MCU: variants seen among roughly 807,000 people sequenced by gnomAD.
MCU encodes mitochondrial calcium uniporter.
In MCU, 12 loss-of-function variants were observed where a neutral mutation model predicts 45.2. The ratio of observed to expected loss-of-function variants is 0.27; its 90% CI spans 0.17 to 0.43. The LOEUF (loss-of-function observed/expected upper bound fraction) is 0.43, where lower values mean the gene tolerates loss of function less well. Ranked by LOEUF, MCU falls within the 20% of genes least tolerant of loss-of-function variation. The pLI, the probability that MCU is intolerant of heterozygous loss-of-function variation, is 1.00. For synonymous variants in MCU, 160 were observed against 165.1 expected, an observed-to-expected ratio of 0.97 and a Z score of 0.24; for missense variants, 324 against 436.7, an observed-to-expected ratio of 0.74 and a Z score of 2.30.
At chr10:72,714,008 C>T (rs930016179) in intron 1 of MCU, among the ~76,000 whole-genome samples, 1 of 148,292 alleles carries the variant, frequency 6.7e-6, no homozygotes, top group African/African-American at 2.6e-5. Flanking sequence ...GCTTTGTCGT[C>T]CAGCCTGGAG....
At chr10:72,751,868 C>T (rs1843504729) in intron 1 of MCU, among the ~76,000 whole-genome samples, 1 of 150,700 alleles carries the variant, frequency 6.6e-6, no homozygotes, top group Non-Finnish European at 1.5e-5. Flanking sequence ...GAGACAGAGT[C>T]TGGCTCTGTC....
intron 1 of MCU, chr10:72,692,517 G>A: frequency 5.9e-6 from 6 of 1,019,900 alleles, no homozygotes; most frequent in Non-Finnish European, 7.2e-6. Context: ...GAGGAGGAGG[G>A]GCGACGGCGG....
At chr10:72,778,871 G>A (rs1165950390) in intron 1 of MCU, among the ~76,000 whole-genome samples, 2 of 152,068 alleles carry the variant, frequency 1.3e-5, no homozygotes, top group African/African-American at 4.8e-5. Context: ...AAATTTCAGT[G>A]GGGAAAAAAA....
intron 1 of MCU, among the ~76,000 whole-genome samples, chr10:72,802,815 A>G (rs1487404763): frequency 1.3e-5 from 2 of 152,222 alleles, no homozygotes; most frequent in Non-Finnish European, 2.9e-5. Context: ...ATGATCTGGT[A>G]AATCTGTTAA....
chr10:72,771,950 G>T (rs1843815851), intron 1 of MCU, among the ~76,000 whole-genome samples: 1 of 152,172 alleles, frequency 6.6e-6, no homozygotes, highest in African/African-American at 2.4e-5. Context: ...CAAATAGTTT[G>T]TAAAATCTCC....
chr10:72,880,376 G>A (rs189098770), intron 6 of MCU, among the ~76,000 whole-genome samples: 13 of 150,574 alleles, frequency 8.6e-5, no homozygotes, highest in Middle Eastern at 3.4e-3. Flanking sequence ...AATCAATTGC[G>A]TTTCTATATT....
chr10:72,711,513 G>T (rs545417109), intron 1 of MCU, among the ~76,000 whole-genome samples: 1 of 147,450 alleles, frequency 6.8e-6, no homozygotes, highest in Non-Finnish European at 1.5e-5. Flanking sequence ...GAGCCACTAC[G>T]CCTGGCCTTT....
At chr10:72,811,025 A>G (rs746258972) in intron 1 of MCU, among the ~76,000 whole-genome samples, 16 of 152,256 alleles carry the variant, frequency 1.1e-4, no homozygotes, top group Non-Finnish European at 1.5e-4. Flanking sequence ...ATATCCAGTA[A>G]GAAACCTCCA....
intron 1 of MCU, among the ~76,000 whole-genome samples, chr10:72,804,157 G>T (rs1479568239): frequency 6.9e-6 from 1 of 145,774 alleles, no homozygotes; most frequent in Non-Finnish European, 1.5e-5. Context: ...CACAGTCTTG[G>T]CTCACTGCAA....
At chr10:72,723,779 A>G (rs1468062086) in intron 1 of MCU, among the ~76,000 whole-genome samples, 1 of 152,206 alleles carries the variant, frequency 6.6e-6, no homozygotes, top group East Asian at 1.9e-4. Flanking sequence ...GAGGATTTTA[A>G]AGGTAAACAT....
chr10:72,783,404 G>A (rs749980429), intron 1 of MCU, among the ~76,000 whole-genome samples: 1 of 151,946 alleles, frequency 6.6e-6, no homozygotes, highest in African/African-American at 2.4e-5. Context: ...TTGGACTCAG[G>A]TGTGGAACTG....
At chr10:72,716,679 T>G (rs1842958736) in intron 1 of MCU, among the ~76,000 whole-genome samples, 1 of 150,348 alleles carries the variant, frequency 6.7e-6, no homozygotes. Flanking sequence ...AGGCCAGGAG[T>G]GCCTAACCAG....
intron 4 of MCU, among the ~76,000 whole-genome samples, chr10:72,865,819 C>G (rs1396578785): frequency 6.6e-6 from 1 of 151,178 alleles, no homozygotes; most frequent in Non-Finnish European, 1.5e-5. Context: ...CTCTGTTGCC[C>G]AGGCTGGAGT....
At chr10:72,716,285 C>A (rs953807245) in intron 1 of MCU, among the ~76,000 whole-genome samples, 4 of 152,148 alleles carry the variant, frequency 2.6e-5, no homozygotes, top group African/African-American at 9.7e-5. Flanking sequence ...AATAAACTTG[C>A]CAGAACCACA....
intron 1 of MCU, among the ~76,000 whole-genome samples, chr10:72,774,710 C>T (rs1843864061): frequency 6.6e-6 from 1 of 152,000 alleles, no homozygotes; most frequent in Non-Finnish European, 1.5e-5. Flanking sequence ...TAAGACATTC[C>T]ATGCAACTGG....
rs114639271 is a variant in MCU, at chr10:72,778,678, C to G, written c.151-55681C>G. Among the ~76,000 whole-genome samples, 4 of 152,222 alleles carry G rather than the reference C, an allele frequency of 2.6e-5. No homozygotes were observed. The East Asian group carries it at 5.8e-4, about 22-fold the overall frequency. On this transcript the variant is annotated intron_variant, in intron 1 of 7. Transcript: ENST00000373053. ...CAATATTCATAATTAAAATGTCCCA[C>G]AGGCATTAAAAAATATCATGCATGG... is the stretch of plus-strand genomic sequence containing the variant.
chr10:72,819,859 T>C (rs1478213539), intron 1 of MCU, among the ~76,000 whole-genome samples: 2 of 151,988 alleles, frequency 1.3e-5, no homozygotes, highest in Non-Finnish European at 2.9e-5. Flanking sequence ...AATAAATTTA[T>C]CTTAGTTGAT....
chr10:72,867,470 A>G (rs1845474520), intron 4 of MCU, among the ~76,000 whole-genome samples: 1 of 152,158 alleles, frequency 6.6e-6, no homozygotes, highest in Non-Finnish European at 1.5e-5. Context: ...TTAGACCATG[A>G]TACTGAGGCC....
chr10:72,718,397 T>G (rs1842979672), intron 1 of MCU, among the ~76,000 whole-genome samples: 1 of 152,230 alleles, frequency 6.6e-6, no homozygotes, highest in African/African-American at 2.4e-5. Context: ...TATGCTAAAT[T>G]GCTGGTGAAA....
Sources: gnomAD v4.1 joint callset for allele counts (sites outside exome capture counted in the v4.1 genomes callset) on GRCh38, gnomAD v4.1.1 for gene constraint, MANE v1.5 for transcripts, NCBI Gene and HGNC (gene_info 2026-07-23, HGNC 2026-07-21) for gene names.